The following VIRMA variants were observed in gnomAD, a reference collection of about 807,000 sequenced individuals.
The protein encoded by VIRMA is protein virilizer homolog.
A neutral mutation model predicts 182.4 loss-of-function variants in VIRMA; 65 were observed. That is an observed-to-expected ratio of 0.36 (90% CI 0.29 to 0.44). The LOEUF (loss-of-function observed/expected upper bound fraction) is 0.44, where lower values mean the gene tolerates loss of function less well. VIRMA is among the 20% of genes least tolerant of loss of function. VIRMA has a pLI of 1.00. For missense variants in VIRMA, 1,752 were observed against 2,158.1 expected (o/e 0.81, Z 3.73); for synonymous variants, 709 against 743.1 (o/e 0.95, Z 0.75).
chr8:94,523,988 G>T (rs1380336796), intron 8 of VIRMA, among the ~76,000 whole-genome samples: 2 of 141,868 alleles, frequency 1.4e-5, no homozygotes, highest in Non-Finnish European at 3.1e-5. Context: ...GTGTGTGTGT[G>T]TTTTTGTTAC....
At chr8:94,511,102 T>TA (rs747892525) in intron 13 of VIRMA, 83 bp downstream of exon 13, 24 of 1,524,920 alleles carry the variant, frequency 1.6e-5, no homozygotes, top group Non-Finnish European at 1.8e-5. Context: ...AGATGAGGGT[T>TA]TTTGTTTTTT....
intron 16 of VIRMA, among the ~76,000 whole-genome samples, chr8:94,505,929 C>A (rs1364933802): frequency 6.6e-6 from 1 of 151,886 alleles, no homozygotes. Flanking sequence ...AAATAAATAA[C>A]AATATGAATA....
rs1264348357 is a variant in VIRMA at position 94,526,430 on chromosome 8, A to G, written c.1814T>C (p.Val605Ala). 2 of 1,613,628 alleles carry G rather than the reference A, an allele frequency of 1.2e-6. No homozygotes were observed. ...AAGATCCATATCCATAGAAGCTTCCACCTCATTTTCATATTCTGGGTTTGT... is the reference window on the plus strand; with the variant it reads ...AAGATCCATATCCATAGAAGCTTCCGCCTCATTTTCATATTCTGGGTTTGT... ...ERTNPEYENE[V>A]EASMDMDLLE... The change falls in exon 8 of 24, where the codon GTG becomes GCG. Residue 605 changes from valine to alanine, a missense_variant. By Grantham distance (64) the Val-to-Ala change is moderately conservative (BLOSUM62 0). Around this residue, in one of 11 missense-constraint regions of VIRMA, gnomAD observed 401 missense variants for 455.1 expected, o/e 0.88. Transcript: ENST00000297591.
intron 7 of VIRMA, among the ~76,000 whole-genome samples, chr8:94,527,975 G>A (rs1016723968): frequency 3.9e-5 from 6 of 152,134 alleles, no homozygotes; most frequent in Non-Finnish European, 8.8e-5. Flanking sequence ...GCTCATGCCT[G>A]TAATCCCAGC....
chr8:94,533,905 T>A (rs980183433), intron 5 of VIRMA: 2 of 152,128 alleles, frequency 1.3e-5, no homozygotes, highest in Non-Finnish European at 2.9e-5. Context: ...TCTTTTTTTT[T>A]AAATAGACAT....
At chr8:94,535,112 G>A in intron 4 of VIRMA, 105 bp from the exon 5 acceptor site, 2 of 1,472,248 alleles carry the variant, frequency 1.4e-6, no homozygotes, top group Non-Finnish European at 1.8e-6. Context: ...GTCTTTAAAA[G>A]TATGCTGAAA....
intron 9 of VIRMA, 49 bp downstream of exon 9, chr8:94,518,936 T>C (rs1438621207): frequency 2.0e-6 from 3 of 1,484,622 alleles, no homozygotes; most frequent in East Asian, 2.3e-5. Flanking sequence ...CATTAGTTAA[T>C]CTGATTTTCT....
At position 94,533,168 on chromosome 8, in the gene VIRMA, TA is replaced by T. The variant is rs545782345; in HGVS notation, c.484+1670del. ...ATCCACAAGGAGCTCACGGTTTGGT[TA>T]AAAAAAAAAAAGCACAGAAAAATGA... On this transcript the variant is annotated intron_variant, in intron 5 of 23. Coordinates refer to ENST00000297591, the MANE Select transcript of VIRMA (RefSeq NM_015496.5). Among the ~76,000 whole-genome samples, 535 of 133,514 alleles carry T rather than the reference TA, an allele frequency of 4.0e-3. 1 individual carries two copies. The highest frequency in any genetic ancestry group is 7.6e-3 in the Middle Eastern group (2 of 264). The allele number at this position is 133,514 out of a possible 152,430, so 87.6% of individuals were successfully genotyped here.
chr8:94,534,709 CCCTCTCTT>C (rs1046822938), intron 5 of VIRMA, 122 bp downstream of exon 5: 29 of 1,047,648 alleles, frequency 2.8e-5, no homozygotes, highest in African/African-American at 4.9e-5. Context: ...CCCTCTCTCC[CCCTCTCTT>C]CCTCTCTCCC....
chr8:94,519,842 T>C (rs1160976580), intron 8 of VIRMA, among the ~76,000 whole-genome samples: 3 of 152,052 alleles, frequency 2.0e-5, no homozygotes, highest in Non-Finnish European at 4.4e-5. Flanking sequence ...CTAGGAAAAA[T>C]ATAGTATATA....
intron 7 of VIRMA, 27 bp downstream of exon 7, chr8:94,529,043 C>T: frequency 6.2e-7 from 1 of 1,607,838 alleles, no homozygotes; most frequent in Non-Finnish European, 8.5e-7. Flanking sequence ...GTACTTAAAC[C>T]CCAAAGTCCT....
chr8:94,548,351 T>C (rs963668721), intron 1 of VIRMA, among the ~76,000 whole-genome samples: 1 of 151,210 alleles, frequency 6.6e-6, no homozygotes, highest in Non-Finnish European at 1.5e-5. Context: ...TATTGTAATA[T>C]TAACGTGGGC....
intron 18 of VIRMA, 185 bp from the exon 19 acceptor site, chr8:94,496,076 A>T: frequency 1.6e-6 from 1 of 637,928 alleles, no homozygotes; most frequent in East Asian, 2.8e-5. Flanking sequence ...TTTATTTCTA[A>T]ACAATAGCAG....
intron 16 of VIRMA, among the ~76,000 whole-genome samples, chr8:94,501,617 GA>G (rs1335889847): frequency 6.6e-6 from 1 of 152,148 alleles, no homozygotes; most frequent in African/African-American, 2.4e-5. Context: ...AAATAATCAA[GA>G]AAGGGAAAAG....
chr8:94,508,912 A>T (rs1814257683), intron 15 of VIRMA, among the ~76,000 whole-genome samples: 1 of 152,174 alleles, frequency 6.6e-6, no homozygotes, highest in African/African-American at 2.4e-5. Context: ...AATGGGCTTT[A>T]AAAGCTAAAA....
intron 22 of VIRMA, 73 bp downstream of exon 22, chr8:94,491,505 C>G: frequency 7.3e-7 from 1 of 1,360,912 alleles, no homozygotes. Context: ...TCTCTTCCAT[C>G]TAAATCACTT....
At chr8:94,490,987 T>C (rs964177729) in intron 22 of VIRMA, among the ~76,000 whole-genome samples, 2 of 151,782 alleles carry the variant, frequency 1.3e-5, no homozygotes, top group African/African-American at 4.8e-5. Flanking sequence ...AATGTAAGGG[T>C]ATTACTCAGA....
chr8:94,553,407 G>A lies in VIRMA; in HGVS notation c.41C>T (p.Thr14Ile). The A allele has an allele frequency of 1.9e-6, 3 of 1,614,204 alleles. No individual in the cohort carries two copies. Among genetic ancestry groups the A allele is most frequent in the South Asian group, 1.1e-5 (1 of 91,092 alleles). ...TACCTCAGCGCTCGGGTGTTTAAAA[G>A]TATCTAAAAATAACAGCTCCATCGC... ...DSAMELLFLD[T>I]FKHPSAEQSS... is the part of the protein sequence containing the mutation. Residue 14 changes from threonine (T) to isoleucine (I), a missense_variant, in exon 1 of 24, where the codon ACT (threonine) becomes ATT (isoleucine). Coordinates refer to ENST00000297591, the MANE Select transcript of VIRMA (RefSeq NM_015496.5).
intron 6 of VIRMA, among the ~76,000 whole-genome samples, chr8:94,530,071 G>A (rs190466947): frequency 3.9e-5 from 6 of 152,234 alleles, no homozygotes; most frequent in Admixed American, 3.9e-4. Flanking sequence ...TTACAGGCAT[G>A]AGCCACCACA....
Sources: allele counts gnomAD v4.1 joint callset (sites outside exome capture counted in the v4.1 genomes callset), GRCh38; gene constraint gnomAD v4.1.1; regional missense constraint gnomAD v4.1.1; transcripts MANE v1.5; gene names NCBI Gene and HGNC (gene_info 2026-07-23, HGNC 2026-07-21).